FREM1: variants seen among roughly 807,000 people sequenced by gnomAD.
The protein encoded by FREM1 is FRAS1 related extracellular matrix 1.
A neutral mutation model predicts 210.1 loss-of-function variants in FREM1; 220 were observed. That is an observed-to-expected ratio of 1.05 (90% CI 0.94 to 1.17). FREM1 has a LOEUF of 1.17. FREM1 is among the 50% of genes most tolerant of loss of function. The pLI, the probability that FREM1 is intolerant of heterozygous loss-of-function variation, is 0.00. For missense variants in FREM1, 3,454 were observed against 2,675.5 expected, an observed-to-expected ratio of 1.29 and a Z score of -6.42; for synonymous variants, 1,189 against 980.2, an observed-to-expected ratio of 1.21 and a Z score of -3.98.
At chr9:14,874,878 C>T (rs1426375237) in intron 1 of FREM1, among the ~76,000 whole-genome samples, 2 of 152,134 alleles carry the variant, frequency 1.3e-5, no homozygotes, top group African/African-American at 4.8e-5. Flanking sequence ...GACAAAATCT[C>T]TCAGCATTTG....
intron 10 of FREM1, among the ~76,000 whole-genome samples, chr9:14,837,105 T>G (rs1332076037): frequency 1.3e-5 from 2 of 152,186 alleles, no homozygotes; most frequent in African/African-American, 4.8e-5. Context: ...CATATGCTCC[T>G]GGCAACATGG....
intron 20 of FREM1, among the ~76,000 whole-genome samples, chr9:14,798,258 GATATTTTAAAGTTGTATAAA>G (rs1852818104): frequency 6.6e-6 from 1 of 152,218 alleles, no homozygotes; most frequent in South Asian, 2.1e-4. Flanking sequence ...AAACTATCTG[GATATTTTAAAGTTGTATAAA>G]ATATTTTAAA....
At position 14,776,064 on chromosome 9, in the gene FREM1, C is replaced by G; in HGVS notation, c.4582G>C (p.Asp1528His). Reference sequence around the variant, plus strand: ...TCAGGGTCGGTCAGCTGAAGGAGGTCAGGGGAAAGCAGGCCCACGGCCCCT... The same window carrying G: ...TCAGGGTCGGTCAGCTGAAGGAGGTGAGGGGAAAGCAGGCCCACGGCCCCT... ...AQGAVGLLSP[D>H]LLQLTDPDTP... Residue 1528 changes from aspartate to histidine, a missense_variant, in exon 25 of 37, where the codon GAC (aspartate) becomes CAC (histidine). Asp to His is a moderately conservative substitution (Grantham distance 81). Transcript: ENST00000380880. 1 of 1,613,674 alleles carries G rather than the reference C, an allele frequency of 6.2e-7. No individual in the cohort carries two copies. Among genetic ancestry groups the G allele is most frequent in the Non-Finnish European group, 8.5e-7 (1 of 1,179,594 alleles).
chr9:14,765,977 C>T (rs562692180), intron 27 of FREM1, among the ~76,000 whole-genome samples: 8 of 152,114 alleles, frequency 5.3e-5, no homozygotes, highest in African/African-American at 1.9e-4. Flanking sequence ...TCCTGTGTAA[C>T]TTAGTTTGGG....
intron 29 of FREM1, among the ~76,000 whole-genome samples, chr9:14,756,090 CTG>C (rs1198542218): frequency 3.3e-5 from 5 of 152,072 alleles, no homozygotes; most frequent in African/African-American, 9.7e-5. Flanking sequence ...TTCTAAGTGA[CTG>C]TATTTTTTTC....
chr9:14,881,105 G>A (rs1296949812), intron 1 of FREM1, among the ~76,000 whole-genome samples: 1 of 152,258 alleles, frequency 6.6e-6, no homozygotes, highest in African/African-American at 2.4e-5. Context: ...GTCCTTGGCA[G>A]AGGCAGGCAT....
intron 1 of FREM1, among the ~76,000 whole-genome samples, chr9:14,905,409 C>A (rs1430132807): frequency 6.6e-6 from 1 of 152,158 alleles, no homozygotes. Flanking sequence ...CCCCTTGCTA[C>A]AATGGAGCAA....
chr9:14,822,111 T>G (rs1821463521), intron 13 of FREM1, among the ~76,000 whole-genome samples: 1 of 152,202 alleles, frequency 6.6e-6, no homozygotes, highest in East Asian at 1.9e-4. Context: ...TTCTCTTGCC[T>G]GCCACCATGT....
intron 24 of FREM1, among the ~76,000 whole-genome samples, chr9:14,783,335 T>C (rs968555107): frequency 2.0e-5 from 3 of 152,188 alleles, no homozygotes; most frequent in South Asian, 2.1e-4. Context: ...TGATACTTGA[T>C]AGTTTATGGG....
rs765959443 is a variant in FREM1 at position 14,824,052 on chromosome 9, C to T, written c.2142G>A (p.Thr714=). 41 of 1,593,774 alleles carry T rather than the reference C, an allele frequency of 2.6e-5. No individual in the cohort carries two copies. Among genetic ancestry groups the T allele is most frequent in the African/African-American group, 4.0e-5 (3 of 74,744 alleles). The change falls in exon 12 of 37, where the codon ACG becomes ACA. Residue 714 remains threonine (T), a synonymous_variant. Coordinates refer to ENST00000380880, the MANE Select transcript of FREM1 (RefSeq NM_001379081.2). Reference sequence around the variant, plus strand: ...GAGTGAATGACCTCAGCTCCAGGGCCGTAGGATTCTTAACTACTTTTGGTA... The same window carrying T: ...GAGTGAATGACCTCAGCTCCAGGGCTGTAGGATTCTTAACTACTTTTGGTA... The part of the protein sequence containing the change: ...DSIPKVVKNP[T]ALELRSFTQH...
At chr9:14,897,815 A>G (rs1838021729) in intron 1 of FREM1, among the ~76,000 whole-genome samples, 1 of 152,240 alleles carries the variant, frequency 6.6e-6, no homozygotes, top group Non-Finnish European at 1.5e-5. Flanking sequence ...GCTGGTCTCG[A>G]ACTCCTGTCC....
chr9:14,820,883 G>A (rs921825199), intron 13 of FREM1, among the ~76,000 whole-genome samples: 3 of 152,160 alleles, frequency 2.0e-5, no homozygotes, highest in Non-Finnish European at 2.9e-5. Context: ...AAAGGTCCAT[G>A]CTTGCCAACC....
intron 10 of FREM1, among the ~76,000 whole-genome samples, chr9:14,825,561 A>ATATATATATATATATG (rs757382702): frequency 0.012 from 1,569 of 129,012 alleles, 78 homozygotes; most frequent in African/African-American, 0.046. Flanking sequence ...ATATATATAT[A>ATATATATATATATATG]TATATATATA....
Position 14,789,128 on chromosome 9 carries a change from G to T in FREM1, c.3982-14C>A. On this transcript the variant is annotated splice_polypyrimidine_tract_variant and intron_variant, in intron 22 of 36. Coordinates refer to ENST00000380880, the MANE Select transcript of FREM1 (RefSeq NM_001379081.2). ...GTCCCTCCCTATCTGGAAGGAGCCA[G>T]AGTTAGTCAGCTGCTCATGGTTTTT... is the stretch of plus-strand genomic sequence containing the variant. 6.5e-7 allele frequency: 1 copy of T among 1,545,854 alleles called. No individual in the cohort carries two copies.
chr9:14,748,542 G>C lies in FREM1; in HGVS notation c.5655C>G (p.Thr1885=), dbSNP rs753886592. Residue 1885 remains threonine, a synonymous_variant, in exon 31 of 37, where the codon ACC becomes ACG. Coordinates refer to ENST00000380880, the MANE Select transcript of FREM1 (RefSeq NM_001379081.2). Reference sequence around the variant, plus strand: ...TTTCCAGATGAAAGGAACCAGAAGTGGTGGATGAGGAAGACCCTGGGGGCA... The same window carrying C: ...TTTCCAGATGAAAGGAACCAGAAGTCGTGGATGAGGAAGACCCTGGGGGCA... ...HLLPPGSSSS[T]TSGSFHLERR... is the part of the protein sequence containing the mutation. 4 of 1,613,692 alleles carry C rather than the reference G, an allele frequency of 2.5e-6. No homozygotes were observed. Among genetic ancestry groups the C allele is most frequent in the Non-Finnish European group, 3.4e-6 (4 of 1,179,756 alleles).
chr9:14,836,536 T>C lies in FREM1; in HGVS notation c.1881+4911A>G, dbSNP rs1824644847. Among the ~76,000 whole-genome samples the C allele has an allele frequency of 6.6e-6, 1 of 152,252 alleles. No homozygotes were observed. The highest frequency in any genetic ancestry group is 1.9e-4 in the East Asian group (1 of 5,204). ...AATGCCGGCTTCAGCCCTGGGCGGC[T>C]ACAATCCCTCTTTAATAAATTCCAG... On this transcript the variant is annotated intron_variant, in intron 10 of 36. Coordinates refer to ENST00000380880, the MANE Select transcript of FREM1 (RefSeq NM_001379081.2). This position sits in a 1 kb window ranked among gnomAD's most constrained non-coding sequence, Gnocchi z 4.9.
At chr9:14,898,546 A>G (rs1426954741) in intron 1 of FREM1, among the ~76,000 whole-genome samples, 2 of 152,184 alleles carry the variant, frequency 1.3e-5, no homozygotes, top group Non-Finnish European at 2.9e-5. Flanking sequence ...GTTCGAGACC[A>G]GCCTGGCCAA....
chr9:14,807,750 G>C (rs1488579412), intron 17 of FREM1, among the ~76,000 whole-genome samples, 190 bp downstream of exon 17: 1 of 151,910 alleles, frequency 6.6e-6, no homozygotes, highest in Admixed American at 6.6e-5. Context: ...TTTTAAACAT[G>C]TAAATTCTTT....
intron 10 of FREM1, among the ~76,000 whole-genome samples, chr9:14,831,942 G>A (rs1479791698): frequency 1.3e-5 from 2 of 152,134 alleles, no homozygotes; most frequent in African/African-American, 4.8e-5. Flanking sequence ...CTGGGGGGAC[G>A]CCCTCTACTG....
Sources: allele counts gnomAD v4.1 joint callset (sites outside exome capture counted in the v4.1 genomes callset), GRCh38; gene constraint gnomAD v4.1.1; non-coding constraint Gnocchi (gnomAD v3.1); transcripts MANE v1.5; gene names NCBI Gene and HGNC (gene_info 2026-07-23, HGNC 2026-07-21).